NR3C1: variants seen among roughly 807,000 people sequenced by gnomAD.
The protein encoded by NR3C1 is nuclear receptor subfamily 3 group C member 1.
Under a neutral mutation model 74.0 loss-of-function variants are expected in NR3C1, and 14 were observed. That is an observed-to-expected ratio of 0.19 (90% CI 0.12 to 0.30). The LOEUF (loss-of-function observed/expected upper bound fraction) is 0.30. NR3C1 is among the 10% of genes least tolerant of loss of function. NR3C1 has a pLI of 1.00. For missense variants in NR3C1, 695 were observed against 909.8 expected (o/e 0.76, Z 3.04); for synonymous variants, 308 against 332.5 (o/e 0.93, Z 0.80).
At chr5:143,316,691 A>G (rs1260325594) in intron 2 of NR3C1, among the ~76,000 whole-genome samples, 1 of 152,172 alleles carries the variant, frequency 6.6e-6, no homozygotes, top group African/African-American at 2.4e-5. Flanking sequence ...ACTGGGAAGG[A>G]TATCACCTGT....
At chr5:143,375,876 G>A (rs765701341) in intron 2 of NR3C1, 1 of 152,158 alleles carries the variant, frequency 6.6e-6, no homozygotes, top group Admixed American at 6.5e-5. Context: ...GTTACATTCT[G>A]AACAGTATCT....
intron 2 of NR3C1, among the ~76,000 whole-genome samples, chr5:143,337,198 CA>C (rs2151728309): frequency 6.6e-6 from 1 of 151,650 alleles, no homozygotes; most frequent in South Asian, 2.1e-4. Flanking sequence ...GAAAAATGGA[CA>C]AAAAAACTTA....
Position 143,399,754 on chromosome 5 carries a change from T to A in NR3C1, c.1086A>T (p.Glu362Asp). ...CAGATCCTTGGCACCTATTCCAATT[T>A]TCGGAACCAACGGGAATTGGTGGAA... ...NVIPPIPVGS[E>D]NWNRCQGSGD... is the part of the protein sequence containing the mutation. The change falls in exon 2 of 9, where the codon GAA becomes GAT. Residue 362 changes from glutamate (E) to aspartate (D), a missense_variant. Around this residue, in one of 4 missense-constraint regions of NR3C1, gnomAD observed 497 missense variants for 489.5 expected, o/e 1.02. Transcript: ENST00000394464. The A allele has an allele frequency of 6.2e-7, 1 of 1,614,174 alleles. No individual in the cohort carries two copies. Among genetic ancestry groups the A allele is most frequent in the Non-Finnish European group, 8.5e-7 (1 of 1,180,018 alleles).
At chr5:143,343,596 TTC>T (rs1828657867) in intron 2 of NR3C1, among the ~76,000 whole-genome samples, 1 of 152,160 alleles carries the variant, frequency 6.6e-6, no homozygotes, top group South Asian at 2.1e-4. Flanking sequence ...GGAGTCAGAG[TTC>T]TCTTTCAGGC....
At chr5:143,433,096 C>G (rs1048200321) in intron 1 of NR3C1, among the ~76,000 whole-genome samples, 2 of 152,082 alleles carry the variant, frequency 1.3e-5, no homozygotes, top group Non-Finnish European at 2.9e-5. Context: ...ATTCTTTCAA[C>G]AAGGCAGGCC....
In NR3C1 at chr5:143,403,234, CG is replaced by C; in HGVS notation, c.-38del. On this transcript the variant is annotated 5_prime_UTR_variant, in exon 1 of 9. It removes the in-frame stop codon of an upstream open reading frame in the 5' UTR. Transcript: ENST00000394464. The stretch of plus-strand genomic sequence containing the variant: ...ACCTCTGGCAGAGGAGCCGCTCGCC[CG>C]CCACCGTCCGCAGTTCCCGCCGCAG... 1.0e-6 allele frequency: 1 copy of C among 985,500 alleles called. No individual in the cohort carries two copies. The highest frequency in any genetic ancestry group is 1.2e-6 in the Non-Finnish European group (1 of 830,032). 61.0% of individuals were successfully genotyped at this position (985,500 alleles called of 1,614,324 possible). A position where few individuals can be genotyped will look rare whatever the true frequency, so the allele number is the denominator to read the frequency against.
intron 2 of NR3C1, among the ~76,000 whole-genome samples, chr5:143,385,227 AT>A (rs1461522908): frequency 6.6e-6 from 1 of 151,586 alleles, no homozygotes; most frequent in Admixed American, 6.6e-5. Flanking sequence ...CCACGAAACC[AT>A]TTTTTCCTCC....
At chr5:143,383,772 G>A (rs1374039042) in intron 2 of NR3C1, among the ~76,000 whole-genome samples, 1 of 152,186 alleles carries the variant, frequency 6.6e-6, no homozygotes, top group South Asian at 2.1e-4. Context: ...GAATTTGTTA[G>A]TAATAATGAT....
intron 2 of NR3C1, among the ~76,000 whole-genome samples, chr5:143,329,266 T>C (rs1825374941): frequency 6.6e-6 from 1 of 152,176 alleles, no homozygotes; most frequent in African/African-American, 2.4e-5. Context: ...TCAGATGTTT[T>C]GCGATCTCCC....
upstream of NR3C1, chr5:143,404,079 C>T (rs1840864935): frequency 1.3e-5 from 13 of 985,570 alleles, no homozygotes; most frequent in Non-Finnish European, 1.6e-5. Context: ...CTCCGCGGCT[C>T]CAGACCCACT....
intron 2 of NR3C1, among the ~76,000 whole-genome samples, chr5:143,335,495 T>G (rs1826953947): frequency 6.6e-6 from 1 of 152,218 alleles, no homozygotes; most frequent in African/African-American, 2.4e-5. Flanking sequence ...ATTTAGACAA[T>G]TTAGAAAACA....
Position 143,297,352 on chromosome 5 carries a change from T to C in NR3C1, c.1892+1316A>G, listed in dbSNP as rs548369068. ...TTATAAACCAGGATAAGTTGGTGTTTCATACAAATCTGTTTATGCTTTTAA... is the reference window on the plus strand; with the variant it reads ...TTATAAACCAGGATAAGTTGGTGTTCCATACAAATCTGTTTATGCTTTTAA... On this transcript the variant is annotated intron_variant, in intron 6 of 8. Transcript: ENST00000394464. Among the ~76,000 whole-genome samples the C allele has an allele frequency of 8.5e-5, 13 of 152,330 alleles. No homozygotes were observed. The East Asian group carries it at 2.5e-3, about 29-fold the overall frequency.
At chr5:143,416,366 T>C (rs4367320) in intron 1 of NR3C1, among the ~76,000 whole-genome samples, 151,205 of 152,180 alleles carry the variant, frequency 0.99, 75,128 homozygotes, top group Middle Eastern at 1. Context: ...TGGAAACTTG[T>C]CTTGTTTCTC....
At chr5:143,399,039 G>A (rs1331833167) in intron 2 of NR3C1, among the ~76,000 whole-genome samples, 1 of 152,136 alleles carries the variant, frequency 6.6e-6, no homozygotes, top group African/African-American at 2.4e-5. Context: ...TCTACTTTAT[G>A]GCAAGAACCC....
At chr5:143,425,860 A>T (rs1751501359) in intron 1 of NR3C1, among the ~76,000 whole-genome samples, 1 of 152,214 alleles carries the variant, frequency 6.6e-6, no homozygotes, top group Non-Finnish European at 1.5e-5. Flanking sequence ...ATGACCCAGC[A>T]ATTCAACTCC....
intron 2 of NR3C1, among the ~76,000 whole-genome samples, chr5:143,344,633 G>A (rs1298681014): frequency 6.6e-6 from 1 of 152,194 alleles, no homozygotes; most frequent in African/African-American, 2.4e-5. Flanking sequence ...ATCACTTTGG[G>A]AGGCCAAGGC....
At chr5:143,424,086 T>C (rs1042459390) in intron 1 of NR3C1, among the ~76,000 whole-genome samples, 3 of 132,790 alleles carry the variant, frequency 2.3e-5, no homozygotes, top group East Asian at 2.5e-4. Flanking sequence ...GGGGGAGGGA[T>C]AGCATTGGGA....
intron 2 of NR3C1, among the ~76,000 whole-genome samples, chr5:143,385,341 C>T (rs1290971374): frequency 6.6e-6 from 1 of 152,216 alleles, no homozygotes; most frequent in East Asian, 1.9e-4. Context: ...GGCTACTCTT[C>T]ATCTATGCAT....
At chr5:143,433,458 A>ATATATATAATTTATTTATTTAAATTT (rs1751956435) in intron 1 of NR3C1, among the ~76,000 whole-genome samples, 1 of 146,186 alleles carries the variant, frequency 6.8e-6, no homozygotes, top group East Asian at 1.9e-4. Flanking sequence ...TAAATTATAT[A>ATATATATAATTTATTTATTTAAATTT]TATATATATA....
Sources: gnomAD v4.1 joint callset for allele counts (sites outside exome capture counted in the v4.1 genomes callset) on GRCh38, gnomAD v4.1.1 for gene constraint, gnomAD v4.1.1 regional missense constraint, MANE v1.5 for transcripts, NCBI Gene and HGNC (gene_info 2026-07-23, HGNC 2026-07-21) for gene names.